Variants in PPP1R42 observed in about 807,000 individuals in gnomAD.
PPP1R42 encodes protein phosphatase 1 regulatory subunit 42, also known as leucine rich repeat containing 67.
Under a neutral mutation model 31.0 loss-of-function variants are expected in PPP1R42, and 34 were observed. That is an observed-to-expected ratio of 1.10 (90% CI 0.83 to 1.46). PPP1R42 has a LOEUF of 1.46. Among genes scored for constraint, PPP1R42 ranks in the 40% most tolerant of loss-of-function variants. PPP1R42 has a pLI of 0.00. For missense variants in PPP1R42, 268 were observed against 303.0 expected, an observed-to-expected ratio of 0.88 and a Z score of 0.86; for synonymous variants, 103 against 109.8, an observed-to-expected ratio of 0.94 and a Z score of 0.39.
intron 3 of PPP1R42, among the ~76,000 whole-genome samples, chr8:67,013,510 T>C (rs1815906776): frequency 6.7e-6 from 1 of 149,902 alleles, no homozygotes; most frequent in African/African-American, 2.5e-5. Context: ...CTGGGCAACA[T>C]AGGGAGATCC....
chr8:66,984,353 T>C (rs1177504941), intron 6 of PPP1R42: 1 of 1,291,906 alleles, frequency 7.7e-7, no homozygotes, highest in African/African-American at 1.5e-5. Flanking sequence ...TCTCCCTTTG[T>C]GTTAGATGTC....
At chr8:67,000,797 T>C (rs947226620) in intron 5 of PPP1R42, among the ~76,000 whole-genome samples, 1 of 152,222 alleles carries the variant, frequency 6.6e-6, no homozygotes, top group African/African-American at 2.4e-5. Flanking sequence ...GAATGTTCTA[T>C]AAGAGTAAAT....
chr8:66,996,199 G>A (rs1815330064), intron 5 of PPP1R42, among the ~76,000 whole-genome samples: 1 of 152,044 alleles, frequency 6.6e-6, no homozygotes, highest in Admixed American at 6.5e-5. Context: ...TCAGGCATGT[G>A]CCACCATGCC....
intron 4 of PPP1R42, 141 bp from the exon 5 acceptor site, chr8:67,010,972 A>G: frequency 1.3e-6 from 1 of 748,960 alleles, no homozygotes. Context: ...AAAAGCCATG[A>G]AATTCTTTTT....
At chr8:67,000,770 A>G (rs1159886559) in intron 5 of PPP1R42, among the ~76,000 whole-genome samples, 1 of 152,052 alleles carries the variant, frequency 6.6e-6, no homozygotes, top group Admixed American at 6.5e-5. Context: ...AAATATTCTA[A>G]CTCCTATTTT....
Position 67,010,830 on chromosome 8 carries a change from T to C in PPP1R42, c.437A>G (p.Lys146Arg). The C allele has an allele frequency of 6.3e-7, 1 of 1,574,882 alleles. No individual in the cohort carries two copies. Residue 146 changes from lysine (K) to arginine (R), a missense_variant and splice_region_variant, in exon 5 of 8, where the codon AAA becomes AGA. By Grantham distance (26) the Lys-to-Arg change is conservative. Transcript: ENST00000685739. The stretch of plus-strand genomic sequence containing the variant: ...GCTGATATTCAATATACAGAGGGAT[T>C]TCTGTAAGAAAAATAACGAAGTTAG... Reference protein sequence around the residue: ...FDPRTLHSLAKSLCILNISNN... With the variant: ...FDPRTLHSLARSLCILNISNN...
At chr8:67,013,299 A>T (rs562389168) in intron 3 of PPP1R42, among the ~76,000 whole-genome samples, 1 of 148,344 alleles carries the variant, frequency 6.7e-6, no homozygotes, top group East Asian at 2.0e-4. Context: ...CTAAAAGTAC[A>T]TTTTTTTTTT....
chr8:67,017,911 T>A, intron 1 of PPP1R42, 80 bp from the exon 2 acceptor site: 1 of 642,586 alleles, frequency 1.6e-6, no homozygotes, highest in Non-Finnish European at 2.3e-6. Flanking sequence ...CTTTAAATAA[T>A]TCCCTTATAT....
At chr8:66,969,652 G>T (rs1814485703) in intron 7 of PPP1R42, among the ~76,000 whole-genome samples, 1 of 152,186 alleles carries the variant, frequency 6.6e-6, no homozygotes, top group African/African-American at 2.4e-5. Context: ...GCTTCTTGAG[G>T]TGGGCTGTAC....
intron 1 of PPP1R42, among the ~76,000 whole-genome samples, chr8:67,019,281 A>G (rs141411303): frequency 0.14 from 16,077 of 113,282 alleles, 2,048 homozygotes; most frequent in African/African-American, 0.37. Context: ...TCGCTCTGTC[A>G]CCCAGGCTGG....
At chr8:67,007,149 A>G (rs1815712211) in intron 5 of PPP1R42, among the ~76,000 whole-genome samples, 1 of 151,664 alleles carries the variant, frequency 6.6e-6, no homozygotes, top group Admixed American at 6.6e-5. Flanking sequence ...AAGTGCAGGG[A>G]TTACAGGCGT....
intron 7 of PPP1R42, among the ~76,000 whole-genome samples, chr8:66,964,811 T>C (rs986591568): frequency 6.6e-6 from 1 of 152,230 alleles, no homozygotes; most frequent in African/African-American, 2.4e-5. Flanking sequence ...TTCACCCTTT[T>C]CAGTGTAAAT....
chr8:67,019,062 C>G (rs1161036556), intron 1 of PPP1R42, among the ~76,000 whole-genome samples: 2 of 149,796 alleles, frequency 1.3e-5, no homozygotes, highest in Non-Finnish European at 3.0e-5. Flanking sequence ...TCTTGAACTC[C>G]TGAGCTCAGG....
At chr8:66,986,040 A>T in intron 6 of PPP1R42, 2 of 747,418 alleles carry the variant, frequency 2.7e-6, no homozygotes, top group South Asian at 1.3e-5. Flanking sequence ...TTTGTCCACA[A>T]ATCGGGGAGT....
intron 5 of PPP1R42, among the ~76,000 whole-genome samples, chr8:66,990,662 C>T (rs777993607): frequency 5.3e-5 from 8 of 152,180 alleles, no homozygotes; most frequent in Non-Finnish European, 8.8e-5. Flanking sequence ...CACAGCAATG[C>T]TCTCTCTACC....
At chr8:67,018,005 G>C (rs1024278185) in intron 1 of PPP1R42, among the ~76,000 whole-genome samples, 174 bp from the exon 2 acceptor site, 5 of 152,114 alleles carry the variant, frequency 3.3e-5, no homozygotes, top group Non-Finnish European at 7.4e-5. Flanking sequence ...TTCATAAAAA[G>C]ATTTAAAGCA....
At chr8:67,021,807 TTAA>T (rs1816227505) in intron 1 of PPP1R42, among the ~76,000 whole-genome samples, 1 of 152,202 alleles carries the variant, frequency 6.6e-6, no homozygotes, top group African/African-American at 2.4e-5. Context: ...ATCAATGATA[TTAA>T]TGATATTATT....
chr8:67,028,503 A>G lies in PPP1R42; in HGVS notation c.-97T>C. 12 of 985,508 alleles carry G rather than the reference A, an allele frequency of 1.2e-5. No homozygotes were observed. The highest frequency in any genetic ancestry group is 1.4e-5 in the Non-Finnish European group (12 of 829,962). 61.0% of individuals were successfully genotyped at this position (985,508 alleles called of 1,614,324 possible). A position where few individuals can be genotyped will look rare whatever the true frequency, so the allele number is the denominator to read the frequency against. ...GCGGGCAGCTCACCGCTCGCGGGACAGTCCGGTAGCTAACTCCAGTTTGGT... is the reference window on the plus strand; with the variant it reads ...GCGGGCAGCTCACCGCTCGCGGGACGGTCCGGTAGCTAACTCCAGTTTGGT... On this transcript the variant is annotated 5_prime_UTR_variant, in exon 1 of 8. Coordinates refer to ENST00000685739, the MANE Select transcript of PPP1R42 (RefSeq NM_001364910.1).
intron 5 of PPP1R42, among the ~76,000 whole-genome samples, chr8:67,004,639 T>C (rs1321117358): frequency 6.6e-6 from 1 of 152,216 alleles, no homozygotes; most frequent in Admixed American, 6.5e-5. Flanking sequence ...TTTGAGGTTA[T>C]GGAATCTTTT....
Sources: gnomAD v4.1 joint callset for allele counts (sites outside exome capture counted in the v4.1 genomes callset) on GRCh38, gnomAD v4.1.1 for gene constraint, MANE v1.5 for transcripts, NCBI Gene and HGNC (gene_info 2026-07-23, HGNC 2026-07-21) for gene names.